LPGAT1: variants seen among roughly 807,000 people sequenced by gnomAD.
LPGAT1 encodes acyl-CoA:lysophosphatidylglycerol acyltransferase 1.
Under a neutral mutation model 47.5 loss-of-function variants are expected in LPGAT1, and 11 were observed. That is an observed-to-expected ratio of 0.23 (90% CI 0.15 to 0.38). The LOEUF (loss-of-function observed/expected upper bound fraction) is 0.38, where lower values mean the gene tolerates loss of function less well. Ranked by LOEUF, LPGAT1 falls within the 10% of genes least tolerant of loss-of-function variation. LPGAT1 has a pLI of 1.00. For missense variants in LPGAT1, 293 were observed against 439.0 expected (o/e 0.67, Z 2.97); for synonymous variants, 138 against 144.2 (o/e 0.96, Z 0.31).
chr1:211,806,620 TA>T (rs1296065661), intron 2 of LPGAT1, among the ~76,000 whole-genome samples: 5 of 152,268 alleles, frequency 3.3e-5, no homozygotes, highest in East Asian at 3.9e-4. Flanking sequence ...CATCATGCAA[TA>T]TACTCATGTA....
At chr1:211,795,444 C>T (rs1032297738) in intron 2 of LPGAT1, among the ~76,000 whole-genome samples, 9 of 151,954 alleles carry the variant, frequency 5.9e-5, no homozygotes, top group African/African-American at 9.7e-5. Flanking sequence ...CTCAGCTCAC[C>T]GCAACCTCCG....
At position 211,746,558 on chromosome 1, in the gene LPGAT1, T is replaced by G. The variant is rs1656950042; in HGVS notation, c.*3341A>C. The G allele has an allele frequency of 6.6e-6, 1 of 152,208 alleles. No homozygotes were observed. Among genetic ancestry groups the G allele is most frequent in the African/African-American group, 2.4e-5 (1 of 41,464 alleles). The allele number at this position is 152,208 out of a possible 1,614,324, so 9.4% of individuals were successfully genotyped here. A position where few individuals can be genotyped will look rare whatever the true frequency, so the allele number is the denominator to read the frequency against. ...AATTCAAACTCCTAAATAAAAGTAA[T>G]TTTTGATTTACCTATCATTTATTAC... On this transcript the variant is annotated 3_prime_UTR_variant, in exon 8 of 8. Coordinates refer to ENST00000366997, the MANE Select transcript of LPGAT1 (RefSeq NM_014873.3).
chr1:211,793,593 C>T (rs549930252), intron 2 of LPGAT1, among the ~76,000 whole-genome samples: 1 of 152,098 alleles, frequency 6.6e-6, no homozygotes, highest in South Asian at 2.1e-4. Context: ...CCACCACGCC[C>T]AGCTGATTTT....
chr1:211,753,311 C>T (rs1407396212), intron 6 of LPGAT1, among the ~76,000 whole-genome samples: 2 of 152,170 alleles, frequency 1.3e-5, no homozygotes, highest in Non-Finnish European at 2.9e-5. Flanking sequence ...TTTCTGTCCT[C>T]GAACTTGGTT....
chr1:211,811,644 C>T (rs1367907845), intron 2 of LPGAT1, among the ~76,000 whole-genome samples: 1 of 152,168 alleles, frequency 6.6e-6, no homozygotes, highest in Admixed American at 6.5e-5. Flanking sequence ...GTAGTCCCAG[C>T]TACTCAGGAG....
rs1657090425 is a variant in LPGAT1 at position 211,749,591 on chromosome 1, A to G, written c.*308T>C. The G allele has an allele frequency of 3.3e-6, 1 of 301,448 alleles. No homozygotes were observed. 18.7% of individuals were successfully genotyped at this position (301,448 alleles called of 1,614,324 possible). A position where few individuals can be genotyped will look rare whatever the true frequency, so the allele number is the denominator to read the frequency against. On this transcript the variant is annotated 3_prime_UTR_variant, in exon 8 of 8. Transcript: ENST00000366997. The stretch of plus-strand genomic sequence containing the variant: ...GTCAAGTATAACTGGTGGCAACAGA[A>G]TTTCTCTCAGATAGTCTTCTAGGAT...
At chr1:211,821,615 T>C (rs1054344298) in intron 2 of LPGAT1, among the ~76,000 whole-genome samples, 1 of 152,164 alleles carries the variant, frequency 6.6e-6, no homozygotes, top group African/African-American at 2.4e-5. Context: ...AAAGCTCAAG[T>C]AGTAGAAGCA....
chr1:211,798,453 G>A (rs1285617925), intron 2 of LPGAT1, among the ~76,000 whole-genome samples: 1 of 152,126 alleles, frequency 6.6e-6, no homozygotes, highest in African/African-American at 2.4e-5. Flanking sequence ...GGGAGGCCGA[G>A]GCAGGAGGAC....
At chr1:211,766,089 G>C (rs1657901265) in intron 6 of LPGAT1, among the ~76,000 whole-genome samples, 1 of 152,134 alleles carries the variant, frequency 6.6e-6, no homozygotes, top group African/African-American at 2.4e-5. Flanking sequence ...CTTTCAGACT[G>C]AGACTGGGAC....
chr1:211,796,091 A>G (rs1182763224), intron 2 of LPGAT1, among the ~76,000 whole-genome samples: 1 of 152,124 alleles, frequency 6.6e-6, no homozygotes, highest in African/African-American at 2.4e-5. Flanking sequence ...GGGAAGGCAT[A>G]TATGTCAATA....
chr1:211,825,841 T>C (rs1254209967), intron 2 of LPGAT1, among the ~76,000 whole-genome samples: 1 of 152,082 alleles, frequency 6.6e-6, no homozygotes, highest in Admixed American at 6.5e-5. Flanking sequence ...ACGCCTGTAG[T>C]CCCAGCTACT....
At chr1:211,814,039 T>C (rs187913424) in intron 2 of LPGAT1, among the ~76,000 whole-genome samples, 171 of 152,336 alleles carry the variant, frequency 1.1e-3, no homozygotes, top group African/African-American at 3.5e-3. Flanking sequence ...TCTTTTAGAA[T>C]TGAGTGAAAA....
intron 6 of LPGAT1, among the ~76,000 whole-genome samples, chr1:211,758,729 A>G (rs1657567276): frequency 6.6e-6 from 1 of 152,110 alleles, no homozygotes; most frequent in Non-Finnish European, 1.5e-5. Context: ...CTCTAGTATA[A>G]TGTTCTAGTA....
chr1:211,830,723 G>A lies in LPGAT1; in HGVS notation c.-178C>T. ...CCCGCGCCCGTTCCCCGGCGGCGCCGAGACTCGGTCCCCAAGGGCCCGGCC... is the reference window on the plus strand; with the variant it reads ...CCCGCGCCCGTTCCCCGGCGGCGCCAAGACTCGGTCCCCAAGGGCCCGGCC... On this transcript the variant is annotated 5_prime_UTR_variant, in exon 1 of 8. Coordinates refer to ENST00000366997, the MANE Select transcript of LPGAT1 (RefSeq NM_014873.3). This position sits in a 1 kb window ranked among gnomAD's most constrained non-coding sequence, Gnocchi z 5.9. 8.5e-7 allele frequency: 1 copy of A among 1,178,870 alleles called. No homozygotes were observed. The highest frequency in any genetic ancestry group is 1.0e-6 in the Non-Finnish European group (1 of 953,952). 73.0% of individuals were successfully genotyped at this position (1,178,870 alleles called of 1,614,324 possible).
Position 211,749,900 on chromosome 1 carries a change from T to C in LPGAT1, c.1112A>G (p.Ter371TrpextTer18). 1.2e-6 allele frequency: 2 copies of C among 1,613,892 alleles called. No individual in the cohort carries two copies. The highest frequency in any genetic ancestry group is 1.7e-6 in the Non-Finnish European group (2 of 1,179,918). ...ACCTTGACAAGTCCACGTCAATTCC[T>C]AAAACAGGCAATGGTAAAAATACTG... is the stretch of plus-strand genomic sequence containing the variant. ...IIQYFYHCLF[*>W] Residue 371 changes from the stop codon to tryptophan, a stop_lost, in exon 8 of 8, where the codon TAG (stop) becomes TGG (tryptophan). Coordinates refer to ENST00000366997, the MANE Select transcript of LPGAT1 (RefSeq NM_014873.3).
intron 4 of LPGAT1, among the ~76,000 whole-genome samples, chr1:211,784,908 A>G (rs370280726): frequency 6.8e-6 from 1 of 148,072 alleles, no homozygotes; most frequent in Non-Finnish European, 1.5e-5. Context: ...GGTTCACGCC[A>G]TTCTCCTGCC....
chr1:211,797,255 C>CA (rs1318266223), intron 2 of LPGAT1, among the ~76,000 whole-genome samples: 6 of 147,152 alleles, frequency 4.1e-5, no homozygotes, highest in African/African-American at 1.2e-4. Context: ...GACTCTGTCT[C>CA]AAAAAAACAA....
intron 2 of LPGAT1, among the ~76,000 whole-genome samples, chr1:211,805,596 T>C (rs545327726): frequency 2.6e-5 from 4 of 152,228 alleles, no homozygotes; most frequent in Admixed American, 6.5e-5. Flanking sequence ...CAAATTACTA[T>C]CAAAACTCAT....
chr1:211,749,005 A>G lies in LPGAT1; in HGVS notation c.*894T>C, dbSNP rs972756557. The G allele has an allele frequency of 6.6e-6, 1 of 152,576 alleles. No individual in the cohort carries two copies. The highest frequency in any genetic ancestry group is 1.5e-5 in the Non-Finnish European group (1 of 68,048). The allele number at this position is 152,576 out of a possible 1,614,324, so 9.5% of individuals were successfully genotyped here. A position where few individuals can be genotyped will look rare whatever the true frequency, so the allele number is the denominator to read the frequency against. ...AAATAAAGCCTCTGAGCTGCAATAG[A>G]GGCATCACGTCAGGGTGGTGTCCAG... On this transcript the variant is annotated 3_prime_UTR_variant, in exon 8 of 8. Coordinates refer to ENST00000366997, the MANE Select transcript of LPGAT1 (RefSeq NM_014873.3).
Sources: gnomAD v4.1 joint callset for allele counts (sites outside exome capture counted in the v4.1 genomes callset) on GRCh38, gnomAD v4.1.1 for gene constraint, Gnocchi (gnomAD v3.1) non-coding constraint, MANE v1.5 for transcripts, NCBI Gene and HGNC (gene_info 2026-07-23, HGNC 2026-07-21) for gene names.